The following GABRA3 variants were observed in gnomAD, a reference collection of about 807,000 sequenced individuals.
GABRA3 encodes gamma-aminobutyric acid type A receptor subunit alpha3.
GABRA3 carries 10 observed loss-of-function variants against 30.1 expected under a neutral mutation model. That is an observed-to-expected ratio of 0.33 (90% CI 0.20 to 0.56). The LOEUF (loss-of-function observed/expected upper bound fraction) is 0.56, where lower values mean the gene tolerates loss of function less well. Among genes scored for constraint, GABRA3 ranks in the 20% least tolerant of loss-of-function variants. GABRA3 has a pLI of 0.89. For synonymous variants in GABRA3, 151 were observed against 146.8 expected, an observed-to-expected ratio of 1.03 and a Z score of -0.21; for missense variants, 233 against 392.0, an observed-to-expected ratio of 0.59 and a Z score of 3.42.
chrX:152,412,635 A>G (rs1319016084), intron 1 of GABRA3, among the ~76,000 whole-genome samples: 1 of 111,914 alleles, frequency 8.9e-6, no homozygotes, highest in Admixed American at 9.5e-5. Context: ...GATTCCATAT[A>G]TACAAAATAT....
At position 152,168,182 on chromosome X, in the gene GABRA3, C is replaced by T; in HGVS notation, c.*46G>A. 1 of 1,096,331 alleles carries T rather than the reference C, an allele frequency of 9.1e-7. No individual in the cohort carries two copies. Among genetic ancestry groups the T allele is most frequent in the Non-Finnish European group, 1.3e-6 (1 of 796,617 alleles). 90.3% of individuals were successfully genotyped at this position (1,096,331 alleles called of 1,213,427 possible). On this transcript the variant is annotated 3_prime_UTR_variant, in exon 10 of 10. Coordinates refer to ENST00000370314, the MANE Select transcript of GABRA3 (RefSeq NM_000808.4). ...GCCCCGGGGTTTGGGTGCCTGGATG[C>T]TTCACGGGGTATACAGTGCTCTGGT...
chrX:152,220,993 G>A (rs912810970), intron 6 of GABRA3, among the ~76,000 whole-genome samples: 1 of 110,278 alleles, frequency 9.1e-6, no homozygotes, highest in African/African-American at 3.3e-5. Context: ...GATGTCTTAT[G>A]CTTTTGAGTC....
chrX:152,257,140 G>A (rs1281152810), intron 4 of GABRA3, among the ~76,000 whole-genome samples: 1 of 111,452 alleles, frequency 9.0e-6, no homozygotes, highest in Non-Finnish European at 1.9e-5. Context: ...GAAATGAGCT[G>A]GGTGATGTTT....
chrX:152,443,096 A>G (rs776118645), intron 1 of GABRA3, among the ~76,000 whole-genome samples: 1 of 111,810 alleles, frequency 8.9e-6, no homozygotes, highest in African/African-American at 3.2e-5. Context: ...TATTTTCCCT[A>G]CATTTGACAG....
At chrX:152,232,983 G>T (rs1287885741) in intron 5 of GABRA3, among the ~76,000 whole-genome samples, 7 of 110,488 alleles carry the variant, frequency 6.3e-5, no homozygotes, top group African/African-American at 2.0e-4. Context: ...CTGTTTTTTT[G>T]TTTGTTTGTT....
At position 152,391,300 on chromosome X, in the gene GABRA3, A is replaced by G. The variant is rs368518456; in HGVS notation, c.-26-26704T>C. 3.6e-5 allele frequency among the ~76,000 whole-genome samples: 4 copies of G among 112,127 alleles called. No homozygotes were observed. The East Asian group carries it at 1.1e-3, about 31-fold the overall frequency. On this transcript the variant is annotated intron_variant, in intron 1 of 9. Transcript: ENST00000370314. ...GCGAAAGTCTATAGTACAACCCCAT[A>G]CACAATATATGAGCAGAAATTCCTT... is the stretch of plus-strand genomic sequence containing the variant.
intron 4 of GABRA3, among the ~76,000 whole-genome samples, chrX:152,284,205 CTGTT>C (rs1290894084): frequency 9.0e-6 from 1 of 111,578 alleles, no homozygotes; most frequent in Non-Finnish European, 1.9e-5. Context: ...TTTCTCCAAA[CTGTT>C]TGTATCATTC....
chrX:152,385,233 T>G (rs910310968), intron 1 of GABRA3, among the ~76,000 whole-genome samples: 1 of 111,716 alleles, frequency 9.0e-6, no homozygotes, highest in Non-Finnish European at 1.9e-5. Flanking sequence ...GATACACATA[T>G]ACATGATGTA....
At chrX:152,440,898 G>A (rs1930910252) in intron 1 of GABRA3, among the ~76,000 whole-genome samples, 2 of 110,211 alleles carry the variant, frequency 1.8e-5, no homozygotes, top group Non-Finnish European at 3.8e-5. Flanking sequence ...AGCACTAGGA[G>A]AAATACCTAA....
At chrX:152,373,964 T>G (rs1284935071) in intron 1 of GABRA3, among the ~76,000 whole-genome samples, 1 of 111,482 alleles carries the variant, frequency 9.0e-6, no homozygotes, top group Non-Finnish European at 1.9e-5. Context: ...AACTCATCCT[T>G]TTTTATGGCT....
intron 3 of GABRA3, among the ~76,000 whole-genome samples, chrX:152,333,450 C>T (rs369029610): frequency 8.9e-6 from 1 of 112,044 alleles, no homozygotes; most frequent in East Asian, 2.8e-4. Flanking sequence ...GCTATTACCT[C>T]TTCTGTTCTA....
intron 1 of GABRA3, among the ~76,000 whole-genome samples, chrX:152,388,700 A>G (rs1929395647): frequency 1.8e-5 from 2 of 112,591 alleles, no homozygotes; most frequent in African/African-American, 6.4e-5. Context: ...TAGGATGGTT[A>G]TTATTCAGGC....
At chrX:152,302,861 T>A (rs1366006303) in intron 3 of GABRA3, among the ~76,000 whole-genome samples, 3 of 111,880 alleles carry the variant, frequency 2.7e-5, no homozygotes, top group Admixed American at 9.5e-5. Flanking sequence ...GTTAGTTCAC[T>A]TAGGACGATG....
intron 2 of GABRA3, among the ~76,000 whole-genome samples, chrX:152,349,174 A>G (rs1412479896): frequency 9.0e-6 from 1 of 111,537 alleles, no homozygotes; most frequent in African/African-American, 3.3e-5. Context: ...CATCTTTACT[A>G]GGAGTAGATT....
chrX:152,296,513 T>C (rs1167489024), intron 3 of GABRA3, among the ~76,000 whole-genome samples: 2 of 111,592 alleles, frequency 1.8e-5, no homozygotes, highest in Non-Finnish European at 3.8e-5. Flanking sequence ...TCAGAAGTCC[T>C]GAGCTCCAAT....
At position 152,284,746 on chromosome X, in the gene GABRA3, G is replaced by A. The variant is rs1569382489; in HGVS notation, c.263-11C>T. 1.7e-6 allele frequency: 2 copies of A among 1,158,848 alleles called. No homozygotes were observed. Among genetic ancestry groups the A allele is most frequent in the Non-Finnish European group, 2.3e-6 (2 of 853,942 alleles). On this transcript the variant is annotated splice_polypyrimidine_tract_variant and intron_variant, in intron 3 of 9. Transcript: ENST00000370314. Reference sequence around the variant, plus strand: ...CTTCAGTCACTGCATCTGCGTGAAAGAAAGTAGAAAAGCAGAATGTCAGGA... The same window carrying A: ...CTTCAGTCACTGCATCTGCGTGAAAAAAAGTAGAAAAGCAGAATGTCAGGA...
chrX:152,339,227 G>T (rs1184440385), intron 3 of GABRA3, among the ~76,000 whole-genome samples: 1 of 109,477 alleles, frequency 9.1e-6, no homozygotes, highest in Admixed American at 9.8e-5. Context: ...CTATTATGTT[G>T]TAATTTTTTT....
chrX:152,233,439 T>G (rs1938129775), intron 5 of GABRA3, among the ~76,000 whole-genome samples: 1 of 109,657 alleles, frequency 9.1e-6, no homozygotes, highest in East Asian at 2.9e-4. Flanking sequence ...AAAAAACACA[T>G]GAAAAAATGC....
chrX:152,449,521 A>G (rs997932901), intron 1 of GABRA3, among the ~76,000 whole-genome samples: 11 of 111,802 alleles, frequency 9.8e-5, no homozygotes, highest in Non-Finnish European at 5.6e-5. Context: ...GGCTATAAAA[A>G]GTGAAGTACG....
Sources: gnomAD v4.1 joint callset for allele counts (sites outside exome capture counted in the v4.1 genomes callset) on GRCh38, gnomAD v4.1.1 for gene constraint, MANE v1.5 for transcripts, NCBI Gene and HGNC (gene_info 2026-07-23, HGNC 2026-07-21) for gene names.